Variants in BCAS3 observed in about 807,000 individuals in gnomAD.
The protein encoded by BCAS3 is BCAS3 microtubule associated cell migration factor, also known as BCAS4/BCAS3 fusion.
In BCAS3, 53 loss-of-function variants were observed where a neutral mutation model predicts 116.1. The observed-to-expected ratio is 0.46, with a 90% confidence interval of 0.37 to 0.57. The LOEUF is 0.57. Among genes scored for constraint, BCAS3 ranks in the 20% least tolerant of loss-of-function variants. The probability of loss-of-function intolerance (pLI) is 0.00; values close to 1 mark genes in which losing one functional copy is unlikely to be tolerated. For missense variants in BCAS3, 917 were observed against 1,165.4 expected (o/e 0.79, Z 3.10); for synonymous variants, 391 against 408.2 (o/e 0.96, Z 0.51).
intron 9 of BCAS3, among the ~76,000 whole-genome samples, chr17:60,875,600 T>C (rs1479001327): frequency 6.6e-6 from 1 of 152,122 alleles, no homozygotes; most frequent in African/African-American, 2.4e-5. Flanking sequence ...TTTTTATTGC[T>C]ATTTGAAATT....
intron 22 of BCAS3, among the ~76,000 whole-genome samples, chr17:61,174,746 G>A (rs2079042713): frequency 6.6e-6 from 1 of 152,148 alleles, no homozygotes; most frequent in South Asian, 2.1e-4. Flanking sequence ...TAATCGCACG[G>A]TGTATTACCA....
chr17:60,792,440 C>A (rs1032137185), intron 6 of BCAS3, among the ~76,000 whole-genome samples: 2 of 152,218 alleles, frequency 1.3e-5, no homozygotes, highest in Non-Finnish European at 1.5e-5. Flanking sequence ...GGCATGGGAT[C>A]CAGCCTGGTA....
At position 61,213,497 on chromosome 17, in the gene BCAS3, A is replaced by G. The variant is rs1393374959; in HGVS notation, c.2425+128933A>G. ...CATATATTTTTATATGAAAAAAGTAAGGCATGAAAAGAGTCTTATTATTTG... is the reference window on the plus strand; with the variant it reads ...CATATATTTTTATATGAAAAAAGTAGGGCATGAAAAGAGTCTTATTATTTG... On this transcript the variant is annotated intron_variant, in intron 22 of 23. Coordinates refer to ENST00000407086, the MANE Select transcript of BCAS3 (RefSeq NM_017679.5). This position sits in a 1 kb window ranked among gnomAD's most constrained non-coding sequence, Gnocchi z 5.4. Among the ~76,000 whole-genome samples, 1 of 152,086 alleles carries G rather than the reference A, an allele frequency of 6.6e-6. No homozygotes were observed. Among genetic ancestry groups the G allele is most frequent in the African/African-American group, 2.4e-5 (1 of 41,384 alleles).
chr17:60,882,795 A>T (rs1448157395), intron 9 of BCAS3, among the ~76,000 whole-genome samples: 1 of 145,538 alleles, frequency 6.9e-6, no homozygotes, highest in Non-Finnish European at 1.5e-5. Flanking sequence ...TGTTCCATTG[A>T]TCTATATCTC....
In BCAS3 at chr17:61,136,852, C is replaced by T. The variant is rs942470000; in HGVS notation, c.2425+52288C>T. The stretch of plus-strand genomic sequence containing the variant: ...GAGATTACAGGTGTGAGCCACTGTG[C>T]TCAGCCAATTGTCCCCATTTAAGAA... On this transcript the variant is annotated intron_variant, in intron 22 of 23. Coordinates refer to ENST00000407086, the MANE Select transcript of BCAS3 (RefSeq NM_017679.5). This position sits in a 1 kb window ranked among gnomAD's most constrained non-coding sequence, Gnocchi z 4.4. Among the ~76,000 whole-genome samples the T allele has an allele frequency of 6.6e-6, 1 of 152,190 alleles. No individual in the cohort carries two copies. The highest frequency in any genetic ancestry group is 1.5e-5 in the Non-Finnish European group (1 of 68,032).
At chr17:61,240,568 C>T (rs1157878546) in intron 22 of BCAS3, among the ~76,000 whole-genome samples, 3 of 152,150 alleles carry the variant, frequency 2.0e-5, no homozygotes, top group African/African-American at 7.2e-5. Context: ...GCAGGAGAAT[C>T]GCTTGAACTC....
Position 60,868,635 on chromosome 17 carries a change from A to C in BCAS3, c.536A>C (p.Lys179Thr). The C allele has an allele frequency of 1.9e-6, 3 of 1,606,124 alleles. No homozygotes were observed. Among genetic ancestry groups the C allele is most frequent in the Non-Finnish European group, 2.5e-6 (3 of 1,177,026 alleles). ...LYSLRTGEMV[K>T]SIQFKTPIYD... ...TCACTTCGTACTGGGGAGATGGTCA[A>C]GTCCATTCAATTTAAGACACCTATT... Residue 179 changes from lysine (K) to threonine (T), a missense_variant, in exon 8 of 24, where the codon AAG becomes ACG. Lys to Thr is a moderately conservative substitution (Grantham distance 78). Coordinates refer to ENST00000407086, the MANE Select transcript of BCAS3 (RefSeq NM_017679.5).
intron 4 of BCAS3, among the ~76,000 whole-genome samples, chr17:60,692,303 G>A (rs1335764364): frequency 6.6e-6 from 1 of 151,996 alleles, no homozygotes; most frequent in Non-Finnish European, 1.5e-5. Flanking sequence ...GCACCCAGGC[G>A]CGATCTCAGC....
intron 22 of BCAS3, among the ~76,000 whole-genome samples, chr17:61,089,796 T>G (rs1233064289): frequency 1.3e-5 from 2 of 151,848 alleles, no homozygotes; most frequent in Admixed American, 1.3e-4. Context: ...CCTCCCAAAG[T>G]GCTGGGATTA....
At chr17:60,957,515 G>A (rs549536773) in intron 14 of BCAS3, among the ~76,000 whole-genome samples, 14 of 152,128 alleles carry the variant, frequency 9.2e-5, no homozygotes, top group South Asian at 2.1e-4. Flanking sequence ...CTGCAAAAAC[G>A]TCATTTTTAT....
At position 61,327,336 on chromosome 17, in the gene BCAS3, C is replaced by T. The variant is rs979242154; in HGVS notation, c.2426-40991C>T. ...TAAAATAAAAATAAAAATAAACAAA[C>T]GTTTAAAAAATCAATTTTAGAGGCA... On this transcript the variant is annotated intron_variant, in intron 22 of 23. Coordinates refer to ENST00000407086, the MANE Select transcript of BCAS3 (RefSeq NM_017679.5). This position sits in a 1 kb window ranked among gnomAD's most constrained non-coding sequence, Gnocchi z 5.9. Among the ~76,000 whole-genome samples, 6 of 151,836 alleles carry T rather than the reference C, an allele frequency of 4.0e-5. No homozygotes were observed. In the South Asian group the frequency reaches 6.3e-4, roughly 16 times the overall value.
chr17:60,784,297 AT>A (rs777660468), intron 6 of BCAS3, among the ~76,000 whole-genome samples: 9,539 of 114,854 alleles, frequency 0.083, 159 homozygotes, highest in African/African-American at 0.11. Flanking sequence ...AATGAAACAA[AT>A]TTTTTTTTTT....
rs747191154 is a variant in BCAS3 at position 61,021,917 on chromosome 17, C to T, written c.1637+6016C>T. On this transcript the variant is annotated intron_variant, in intron 16 of 23. Transcript: ENST00000407086. The surrounding 1 kb of genome is among the most constrained non-coding windows in gnomAD (Gnocchi z 4.6). ...AGCCTTAAACTTTATAGGCAAAGTTCGGAGAATTAAATTGGAAATATTTGG... is the reference window on the plus strand; with the variant it reads ...AGCCTTAAACTTTATAGGCAAAGTTTGGAGAATTAAATTGGAAATATTTGG... Among the ~76,000 whole-genome samples the T allele has an allele frequency of 9.9e-5, 15 of 152,000 alleles. No homozygotes were observed. The highest frequency in any genetic ancestry group is 2.1e-4 in the South Asian group (1 of 4,822).
chr17:61,342,460 T>C (rs1373887862), intron 22 of BCAS3, among the ~76,000 whole-genome samples: 2 of 152,050 alleles, frequency 1.3e-5, no homozygotes, highest in East Asian at 3.9e-4. Context: ...GCCTGGTTCT[T>C]AAGAACGCCA....
chr17:60,869,384 A>C (rs1481363016), intron 8 of BCAS3, among the ~76,000 whole-genome samples: 1 of 152,146 alleles, frequency 6.6e-6, no homozygotes, highest in Non-Finnish European at 1.5e-5. Flanking sequence ...TAGCTCTTAC[A>C]TGCCTCGTAT....
intron 4 of BCAS3, among the ~76,000 whole-genome samples, chr17:60,708,905 T>C (rs2037514003): frequency 6.6e-6 from 1 of 152,142 alleles, no homozygotes; most frequent in East Asian, 1.9e-4. Context: ...GTGATCCTTC[T>C]ACTTCGTCCT....
At chr17:60,916,720 C>G (rs2058797112) in intron 12 of BCAS3, among the ~76,000 whole-genome samples, 1 of 151,902 alleles carries the variant, frequency 6.6e-6, no homozygotes, top group South Asian at 2.1e-4. Context: ...TTATAAAAAT[C>G]AAAATTTATG....
rs2077427015 is a variant in BCAS3, at chr17:61,149,463, CAGTG to C, written c.2425+64902_2425+64905del. On this transcript the variant is annotated intron_variant, in intron 22 of 23. Coordinates refer to ENST00000407086, the MANE Select transcript of BCAS3 (RefSeq NM_017679.5). ...CTTGCTTTTAATGTAAAAAGTATATCAGTGAGGGTAAAAATAGAAAATGAAAATA... is the reference window on the plus strand; with the variant it reads ...CTTGCTTTTAATGTAAAAAGTATATCAGGGTAAAAATAGAAAATGAAAATA... Among the ~76,000 whole-genome samples the C allele has an allele frequency of 2.0e-5, 3 of 152,122 alleles. No individual in the cohort carries two copies. The South Asian group carries it at 6.2e-4, about 32-fold the overall frequency.
rs535128303 is a variant in BCAS3, at chr17:60,723,785, C to G, written c.321+14460C>G. 4.8e-5 allele frequency among the ~76,000 whole-genome samples: 6 copies of G among 124,572 alleles called. No individual in the cohort carries two copies. The South Asian group carries it at 1.3e-3, about 28-fold the overall frequency. 81.7% of individuals were successfully genotyped at this position (124,572 alleles called of 152,430 possible). On this transcript the variant is annotated intron_variant, in intron 5 of 23. Transcript: ENST00000407086. ...CCAGGCTGGAGTGCAGTGGTGCGAT[C>G]TCGGCTCATTGCAACCTCTGCCTCC... is the stretch of plus-strand genomic sequence containing the variant.
Sources: allele counts gnomAD v4.1 joint callset (sites outside exome capture counted in the v4.1 genomes callset), GRCh38; gene constraint gnomAD v4.1.1; non-coding constraint Gnocchi (gnomAD v3.1); transcripts MANE v1.5; gene names NCBI Gene and HGNC (gene_info 2026-07-23, HGNC 2026-07-21).